Variants in HMGA2 observed in about 807,000 individuals in gnomAD.
The protein encoded by HMGA2 is high mobility group AT-hook 2.
Under a neutral mutation model 19.1 loss-of-function variants are expected in HMGA2, and 8 were observed. That is an observed-to-expected ratio of 0.42 (90% CI 0.25 to 0.76). HMGA2 has a LOEUF of 0.76. Among genes scored for constraint, HMGA2 ranks in the 30% least tolerant of loss-of-function variants. HMGA2 has a pLI of 0.28. For synonymous variants in HMGA2, 60 were observed against 48.8 expected, an observed-to-expected ratio of 1.23 and a Z score of -0.96; for missense variants, 109 against 136.3, an observed-to-expected ratio of 0.80 and a Z score of 1.00.
rs904341314 is a variant in HMGA2 at position 65,912,424 on chromosome 12, G to C, written c.250-38959G>C. Among the ~76,000 whole-genome samples the C allele has an allele frequency of 6.6e-5, 10 of 151,956 alleles. 1 individual carries two copies. Among genetic ancestry groups the C allele is most frequent in the African/African-American group, 1.9e-4 (8 of 41,364 alleles). On this transcript the variant is annotated intron_variant, in intron 3 of 4. Coordinates refer to ENST00000403681, the MANE Select transcript of HMGA2 (RefSeq NM_003483.6). ...TCCCCTGGGAGCACTCTTCATGGTG[G>C]GCCTCAGCAAAATAAAGAACAAAAG...
Position 65,852,234 on chromosome 12 carries a change from C to T in HMGA2, c.249+13665C>T, listed in dbSNP as rs139938395. ...TACACTAGCTGGATGCGGGGGCTCA[C>T]GCCTACAATCCCAGCACCTGGGGAG... is the stretch of plus-strand genomic sequence containing the variant. On this transcript the variant is annotated intron_variant, in intron 3 of 4. Transcript: ENST00000403681. Among the ~76,000 whole-genome samples the T allele has an allele frequency of 1.6e-3, 239 of 152,310 alleles. 3 individuals are homozygous for T. Among genetic ancestry groups the T allele is most frequent in the African/African-American group, 5.3e-3 (222 of 41,574 alleles).
At chr12:65,867,152 T>C (rs754356136) in intron 3 of HMGA2, among the ~76,000 whole-genome samples, 8 of 152,170 alleles carry the variant, frequency 5.3e-5, no homozygotes, top group Non-Finnish European at 1.0e-4. Flanking sequence ...TGACACTAAA[T>C]TGAGGGCCTG....
intron 3 of HMGA2, among the ~76,000 whole-genome samples, chr12:65,942,250 T>C (rs1876113069): frequency 1.3e-5 from 2 of 152,218 alleles, no homozygotes; most frequent in African/African-American, 4.8e-5. Flanking sequence ...GTTTGATTTG[T>C]GAAAACCCAG....
intron 3 of HMGA2, chr12:65,842,375 C>T (rs950731194): frequency 1.1e-5 from 7 of 620,026 alleles, no homozygotes; most frequent in Non-Finnish European, 2.0e-5. Context: ...TTTCACTGTA[C>T]ACTTTCATTT....
At chr12:65,900,621 C>T (rs1014273398) in intron 3 of HMGA2, among the ~76,000 whole-genome samples, 7 of 152,172 alleles carry the variant, frequency 4.6e-5, no homozygotes, top group South Asian at 2.1e-4. Flanking sequence ...ATGCATAGAG[C>T]GGGGTATGGA....
intron 3 of HMGA2, among the ~76,000 whole-genome samples, chr12:65,909,999 A>G (rs1449798467): frequency 6.6e-6 from 1 of 152,220 alleles, no homozygotes; most frequent in Non-Finnish European, 1.5e-5. Context: ...AGGACCAGTA[A>G]AAAGGGCAAA....
chr12:65,835,704 G>A (rs752503660), intron 2 of HMGA2, among the ~76,000 whole-genome samples: 2 of 151,488 alleles, frequency 1.3e-5, no homozygotes, highest in Non-Finnish European at 2.9e-5. Flanking sequence ...AACTCTTTCA[G>A]AAAAAAAACC....
Position 65,964,321 on chromosome 12 carries a change from G to A in HMGA2, c.*1029G>A. The A allele has an allele frequency of 4.8e-6, 1 of 209,068 alleles. No individual in the cohort carries two copies. The highest frequency in any genetic ancestry group is 8.5e-5 in the East Asian group (1 of 11,792). 13.0% of individuals were successfully genotyped at this position (209,068 alleles called of 1,614,324 possible). On this transcript the variant is annotated 3_prime_UTR_variant, in exon 5 of 5. Transcript: ENST00000403681. ...AAAAAGGGGGGGGCAATCTCTCTCT[G>A]TGTCTTTCTCTCTCTCTCTTCCTCT...
intron 3 of HMGA2, among the ~76,000 whole-genome samples, chr12:65,939,217 T>C (rs1465497337): frequency 6.6e-6 from 1 of 152,230 alleles, no homozygotes; most frequent in Non-Finnish European, 1.5e-5. Flanking sequence ...ATTGGTGTTA[T>C]GCTCTGCTCA....
intron 3 of HMGA2, among the ~76,000 whole-genome samples, chr12:65,928,153 G>A (rs1406801251): frequency 3.3e-5 from 5 of 152,006 alleles, no homozygotes; most frequent in Non-Finnish European, 7.4e-5. Flanking sequence ...AGGCTAAATG[G>A]TGCATCCCAT....
intron 3 of HMGA2, among the ~76,000 whole-genome samples, chr12:65,895,531 A>T (rs761314571): frequency 6.6e-6 from 1 of 152,178 alleles, no homozygotes; most frequent in Non-Finnish European, 1.5e-5. Context: ...ATACTTAAAG[A>T]AGTATAGTAG....
At chr12:65,938,418 T>A (rs1205550633) in intron 3 of HMGA2, among the ~76,000 whole-genome samples, 1 of 152,200 alleles carries the variant, frequency 6.6e-6, no homozygotes, top group Admixed American at 6.5e-5. Context: ...CAGAATTCTT[T>A]ATCTACAGTC....
At chr12:65,927,841 G>GTGTC (rs386376799) in intron 3 of HMGA2, among the ~76,000 whole-genome samples, 1 of 149,812 alleles carries the variant, frequency 6.7e-6, no homozygotes, top group African/African-American at 2.4e-5. Context: ...CTGTGTGTGT[G>GTGTC]TGTGTGTGTG....
At chr12:65,901,946 G>A (rs1481798066) in intron 3 of HMGA2, among the ~76,000 whole-genome samples, 1 of 152,164 alleles carries the variant, frequency 6.6e-6, no homozygotes, top group Non-Finnish European at 1.5e-5. Context: ...TGAAAACGAA[G>A]TGTTTTATGT....
At chr12:65,885,645 G>A (rs963887714) in intron 3 of HMGA2, among the ~76,000 whole-genome samples, 16 of 152,212 alleles carry the variant, frequency 1.1e-4, no homozygotes, top group Admixed American at 6.5e-5. Flanking sequence ...CTTGGTGGCA[G>A]CAGGATCGCT....
intron 3 of HMGA2, among the ~76,000 whole-genome samples, chr12:65,892,745 C>G (rs1263982442): frequency 6.6e-6 from 1 of 152,068 alleles, no homozygotes; most frequent in East Asian, 1.9e-4. Flanking sequence ...TTCAGCCGTC[C>G]TCAATCCATT....
intron 3 of HMGA2, chr12:65,881,766 C>G: frequency 2.8e-6 from 2 of 703,088 alleles, no homozygotes; most frequent in Non-Finnish European, 5.2e-6. Flanking sequence ...AGAGCCCGTG[C>G]TGGTGAAGGA....
Position 65,873,450 on chromosome 12 carries a change from T to C in HMGA2, c.249+34881T>C, listed in dbSNP as rs150181555. 1.4e-3 allele frequency among the ~76,000 whole-genome samples: 220 copies of C among 152,310 alleles called. 2 individuals carry two copies. The highest frequency in any genetic ancestry group is 5.0e-3 in the African/African-American group (206 of 41,564). ...GTAGATGGCTATAGATAGTCATTCA[T>C]GAAGTCAAATGCACCAGTGGGATTG... On this transcript the variant is annotated intron_variant, in intron 3 of 4. Transcript: ENST00000403681.
chr12:65,863,996 C>A (rs569351448), intron 3 of HMGA2, among the ~76,000 whole-genome samples: 3 of 152,072 alleles, frequency 2.0e-5, no homozygotes, highest in Non-Finnish European at 4.4e-5. Context: ...TATCATTTCC[C>A]GCACTGTGGC....
Sources: allele counts gnomAD v4.1 joint callset (sites outside exome capture counted in the v4.1 genomes callset), GRCh38; gene constraint gnomAD v4.1.1; transcripts MANE v1.5; gene names NCBI Gene and HGNC (gene_info 2026-07-23, HGNC 2026-07-21).